The following SGCD variants were observed in gnomAD, a reference collection of about 807,000 sequenced individuals.
SGCD encodes the protein sarcoglycan delta, also known as delta-sarcoglycan.
In SGCD, 18 loss-of-function variants were observed where a neutral mutation model predicts 36.6. That is an observed-to-expected ratio of 0.49 (90% CI 0.34 to 0.73). The LOEUF is 0.73. Ranked by LOEUF, SGCD falls within the 30% of genes least tolerant of loss-of-function variation. The pLI is 0.01. For synonymous variants in SGCD, 133 were observed against 130.6 expected (o/e 1.02, Z -0.12); for missense variants, 387 against 346.7 (o/e 1.12, Z -0.92).
At chr5:156,748,158 A>G (rs1045584604) in intron 7 of SGCD, among the ~76,000 whole-genome samples, 5 of 152,222 alleles carry the variant, frequency 3.3e-5, no homozygotes, top group East Asian at 1.9e-4. Flanking sequence ...ATGAAGTTCA[A>G]AAACAAGCAA....
intron 3 of SGCD, among the ~76,000 whole-genome samples, chr5:156,255,844 T>C (rs1765701743): frequency 6.6e-6 from 1 of 152,130 alleles, no homozygotes; most frequent in African/African-American, 2.4e-5. Flanking sequence ...TTTTCTATTT[T>C]AATAATAGCT....
At chr5:156,219,188 C>T (rs1764656130) in intron 3 of SGCD, among the ~76,000 whole-genome samples, 1 of 152,136 alleles carries the variant, frequency 6.6e-6, no homozygotes, top group South Asian at 2.1e-4. Context: ...TCATTGGACC[C>T]CTTATCTACT....
chr5:156,597,629 C>A (rs889943942), intron 6 of SGCD, among the ~76,000 whole-genome samples: 1 of 152,138 alleles, frequency 6.6e-6, no homozygotes, highest in Non-Finnish European at 1.5e-5. Context: ...CAAACCATGT[C>A]GGTGAGGATT....
At chr5:156,610,358 G>T (rs545860915) in intron 6 of SGCD, among the ~76,000 whole-genome samples, 1 of 152,204 alleles carries the variant, frequency 6.6e-6, no homozygotes, top group Non-Finnish European at 1.5e-5. Context: ...CAGAACAGCA[G>T]ATATTGGTGA....
chr5:155,891,987 G>T (rs1429493311), intron 1 of SGCD, among the ~76,000 whole-genome samples: 3 of 152,104 alleles, frequency 2.0e-5, no homozygotes, highest in African/African-American at 7.2e-5. Flanking sequence ...CCTGCAGAAG[G>T]TACATTTACT....
intron 1 of SGCD, among the ~76,000 whole-genome samples, chr5:156,032,641 C>T (rs113793267): frequency 0.18 from 24,770 of 137,262 alleles, 2,321 homozygotes; most frequent in Non-Finnish European, 0.21. Context: ...TGGCATGAAC[C>T]CGGGAGGTGG....
In SGCD at chr5:156,286,723, A is replaced by T. The variant is rs956797670; in HGVS notation, c.-43-42811A>T. 7.9e-5 allele frequency among the ~76,000 whole-genome samples: 12 copies of T among 152,260 alleles called. No homozygotes were observed. The East Asian group carries it at 2.1e-3, about 27-fold the overall frequency. On this transcript the variant is annotated intron_variant, in intron 3 of 9. Coordinates refer to the SGCD transcript ENST00000517913. ...AGCATTTGGAGATATATCTAATGTT[A>T]CATGACAAGTTACTGGGTGCAGCAC...
chr5:156,445,369 G>A (rs367989989), intron 3 of SGCD, among the ~76,000 whole-genome samples: 3 of 151,898 alleles, frequency 2.0e-5, no homozygotes, highest in Admixed American at 2.0e-4. Context: ...AGAACCATAA[G>A]GTCAAAATGG....
At chr5:155,799,732 T>A in the SGCD span, among the ~76,000 whole-genome samples, 1 of 151,806 alleles carries the variant, frequency 6.6e-6, no homozygotes, top group African/African-American at 2.4e-5. Context: ...TATTTCCTTT[T>A]TTTTTTTCTG....
intron 7 of SGCD, among the ~76,000 whole-genome samples, chr5:156,726,316 C>T (rs910576532): frequency 2.0e-5 from 3 of 152,154 alleles, no homozygotes; most frequent in African/African-American, 7.2e-5. Flanking sequence ...AAACCTAACC[C>T]CTTAGCTTCT....
intron 4 of SGCD, among the ~76,000 whole-genome samples, chr5:156,531,729 A>G (rs76922197): frequency 1.8e-3 from 270 of 152,338 alleles, no homozygotes; most frequent in African/African-American, 6.2e-3. Context: ...ATAGTCTTAT[A>G]TGCATAGCCT....
At chr5:156,406,423 C>CCCTCT (rs996301084) in intron 3 of SGCD, among the ~76,000 whole-genome samples, 1 of 151,824 alleles carries the variant, frequency 6.6e-6, no homozygotes, top group Non-Finnish European at 1.5e-5. Flanking sequence ...TCTCCTGTGC[C>CCCTCT]CCTCTCCTCT....
At chr5:156,383,617 C>T (rs991315847) in intron 3 of SGCD, among the ~76,000 whole-genome samples, 1 of 152,112 alleles carries the variant, frequency 6.6e-6, no homozygotes, top group African/African-American at 2.4e-5. Flanking sequence ...CACTGTTTCT[C>T]TTAGCAGCCT....
chr5:156,629,872 TTTTTTTTA>T (rs1249399696), intron 6 of SGCD, among the ~76,000 whole-genome samples: 13 of 146,392 alleles, frequency 8.9e-5, no homozygotes, highest in Non-Finnish European at 1.2e-4. Flanking sequence ...TTTTTTTTTT[TTTTTTTTA>T]GATGGAGTTT....
At chr5:155,822,293 A>G in the SGCD span, among the ~76,000 whole-genome samples, 105 of 152,278 alleles carry the variant, frequency 6.9e-4, 1 homozygote, top group South Asian at 4.6e-3. Context: ...TTAAGAATGA[A>G]TTATAGAAAG....
chr5:155,900,827 G>T (rs899633172), intron 1 of SGCD, among the ~76,000 whole-genome samples: 10 of 151,808 alleles, frequency 6.6e-5, no homozygotes, highest in African/African-American at 1.7e-4. Context: ...CCAACTTGAG[G>T]TATAACTGGT....
At chr5:156,513,691 AT>A in intron 4 of SGCD, among the ~76,000 whole-genome samples, 1 of 152,366 alleles carries the variant, frequency 6.6e-6, no homozygotes, top group South Asian at 2.1e-4. Context: ...ACTGTATCTG[AT>A]TTCATTACTG....
chr5:156,497,777 G>A (rs1756263101), intron 3 of SGCD, among the ~76,000 whole-genome samples: 1 of 151,674 alleles, frequency 6.6e-6, no homozygotes, highest in Non-Finnish European at 1.5e-5. Flanking sequence ...AAATATGAAC[G>A]AAGTTGAGAT....
At chr5:155,928,530 C>T (rs1032277389) in intron 1 of SGCD, among the ~76,000 whole-genome samples, 7 of 151,364 alleles carry the variant, frequency 4.6e-5, no homozygotes, top group Non-Finnish European at 8.9e-5. Flanking sequence ...TAGCTGGGTT[C>T]GGTGGTGCAC....
Sources: gnomAD v4.1 joint callset for allele counts (sites outside exome capture counted in the v4.1 genomes callset) on GRCh38, gnomAD v4.1.1 for gene constraint, MANE v1.5 for transcripts, NCBI Gene and HGNC (gene_info 2026-07-23, HGNC 2026-07-21) for gene names.